ITPR1: variants seen among roughly 807,000 people sequenced by gnomAD.
The protein encoded by ITPR1 is inositol 1,4,5-trisphosphate receptor type 1.
ITPR1 carries 96 observed loss-of-function variants against 318.4 expected under a neutral mutation model. The observed-to-expected ratio is 0.30, with a 90% CI of 0.26 to 0.36. The LOEUF is 0.36. ITPR1 is among the 10% of genes least tolerant of loss of function. The probability of loss-of-function intolerance (pLI) is 1.00; values close to 1 mark genes in which losing one functional copy is unlikely to be tolerated. For missense variants in ITPR1, 2,440 were observed against 3,460.2 expected (o/e 0.71, Z 7.40); for synonymous variants, 1,312 against 1,289.9 (o/e 1.02, Z -0.37).
intron 44 of ITPR1, among the ~76,000 whole-genome samples, chr3:4,753,460 G>A: frequency 6.6e-6 from 1 of 152,132 alleles, no homozygotes; most frequent in East Asian, 1.9e-4. Flanking sequence ...CTTACTGTCA[G>A]CTGCCAGGGA....
At chr3:4,594,504 G>C (rs1036153693) in intron 4 of ITPR1, among the ~76,000 whole-genome samples, 1 of 152,084 alleles carries the variant, frequency 6.6e-6, no homozygotes, top group Admixed American at 6.6e-5. Context: ...CTGCGTGATC[G>C]ATGAGAGCCA....
At chr3:4,778,842 GA>G (rs978611360) in intron 48 of ITPR1, among the ~76,000 whole-genome samples, 6 of 151,624 alleles carry the variant, frequency 4.0e-5, no homozygotes, top group African/African-American at 2.4e-5. Context: ...TCCAAAAAAA[GA>G]AAAAAAACCC....
chr3:4,658,815 A>G (rs1007171517), intron 13 of ITPR1, among the ~76,000 whole-genome samples: 2 of 152,052 alleles, frequency 1.3e-5, no homozygotes, highest in African/African-American at 4.8e-5. Context: ...ACTGGACTAT[A>G]AATAGGGAAA....
At chr3:4,752,538 C>G (rs1263000854) in intron 44 of ITPR1, among the ~76,000 whole-genome samples, 1 of 152,234 alleles carries the variant, frequency 6.6e-6, no homozygotes, top group Non-Finnish European at 1.5e-5. Flanking sequence ...CTTAGCAGGA[C>G]TTTGAGCTTT....
At chr3:4,814,609 T>TGGGGGG in intron 58 of ITPR1, 47 bp downstream of exon 58, 2 of 458,444 alleles carry the variant, frequency 4.4e-6, no homozygotes, top group East Asian at 5.4e-5. Context: ...GCGGGTGGGG[T>TGGGGGG]GGTTGGTGGG....
Position 4,846,127 on chromosome 3 carries a change from T to TTAAC in ITPR1, c.8191-10_8191-7dup, listed in dbSNP as rs750583458. 18 of 1,531,030 alleles carry TTAAC rather than the reference T, an allele frequency of 1.2e-5. No individual in the cohort carries two copies. The highest frequency in any genetic ancestry group is 1.7e-4 in the Middle Eastern group (1 of 5,888). The allele number at this position is 1,531,030 out of a possible 1,614,324, so 94.8% of individuals were successfully genotyped here. A position where few individuals can be genotyped will look rare whatever the true frequency, so the allele number is the denominator to read the frequency against. On this transcript the variant is annotated splice_polypyrimidine_tract_variant and intron_variant, in intron 61 of 61. Transcript: ENST00000649015. ...TATCTGGGTCTAATGATGAAACTTT[T>TTAAC]TAACTTTCCAGATGACAGAACAAAG... is the stretch of plus-strand genomic sequence containing the variant.
chr3:4,645,454 A>T lies in ITPR1; in HGVS notation c.692A>T (p.Asp231Val), dbSNP rs1389658278. ...TTCATGAAATGGAGTGATAACAAAGACGACATATTAAAGGGGGTGAGTTTG... is the reference window on the plus strand; with the variant it reads ...TTCATGAAATGGAGTGATAACAAAGTCGACATATTAAAGGGGGTGAGTTTG... ...VLFMKWSDNK[D>V]DILKGGDVVR... The change falls in exon 9 of 62, where the codon GAC (aspartate) becomes GTC (valine). Residue 231 changes from aspartate (D) to valine (V), a missense_variant. By Grantham distance (152) the Asp-to-Val change is radical. Coordinates refer to ENST00000649015, the MANE Select transcript of ITPR1 (RefSeq NM_001378452.1). 3.1e-6 allele frequency: 5 copies of T among 1,612,916 alleles called. No homozygotes were observed. Among genetic ancestry groups the T allele is most frequent in the Non-Finnish European group, 4.2e-6 (5 of 1,179,122 alleles).
At chr3:4,646,143 C>T (rs1575877638) in intron 10 of ITPR1, 2 of 185,272 alleles carry the variant, frequency 1.1e-5, no homozygotes, top group East Asian at 2.6e-4. Flanking sequence ...CAGGTGTCTA[C>T]CTGACACAAT....
intron 2 of ITPR1, among the ~76,000 whole-genome samples, chr3:4,503,436 A>G (rs2081176391): frequency 6.6e-6 from 1 of 152,168 alleles, no homozygotes; most frequent in Non-Finnish European, 1.5e-5. Flanking sequence ...GCTTCGGGTC[A>G]TTGCTGCCGA....
chr3:4,693,517 G>C lies in ITPR1; in HGVS notation c.4057G>C (p.Val1353Leu). 8.7e-6 allele frequency: 14 copies of C among 1,613,888 alleles called. No individual in the cohort carries two copies. Among genetic ancestry groups the C allele is most frequent in the Non-Finnish European group, 1.2e-5 (14 of 1,179,844 alleles). ...GGTCAATTCGGGAGAGGATGTCCTC[G>C]TGTTCTACAACGACAGAGCCTCTTT... ...ELVNSGEDVL[V>L]FYNDRASFQT... Residue 1353 changes from valine to leucine, a missense_variant, in exon 33 of 62, where the codon GTG (valine) becomes CTG (leucine). Val to Leu is a conservative substitution (Grantham distance 32, BLOSUM62 1). Transcript: ENST00000649015.
At position 4,794,696 on chromosome 3, in the gene ITPR1, A is replaced by G. The variant is rs375117300; in HGVS notation, c.6809-369A>G. Among the ~76,000 whole-genome samples, 4 of 151,948 alleles carry G rather than the reference A, an allele frequency of 2.6e-5. No homozygotes were observed. In the East Asian group the frequency reaches 7.7e-4, roughly 29 times the overall value. Reference sequence around the variant, plus strand: ...ATTTTTGGGTCTCTCCGGGCATCTCATCTGGTCCCAGAGCCCTAGGGGGAA... The same window carrying G: ...ATTTTTGGGTCTCTCCGGGCATCTCGTCTGGTCCCAGAGCCCTAGGGGGAA... On this transcript the variant is annotated intron_variant, in intron 52 of 61. Transcript: ENST00000649015.
At position 4,717,570 on chromosome 3, in the gene ITPR1, C is replaced by T. The variant is rs1383270329; in HGVS notation, c.5136+171C>T. 2.6e-5 allele frequency among the ~76,000 whole-genome samples: 4 copies of T among 152,116 alleles called. No individual in the cohort carries two copies. In the East Asian group the frequency reaches 7.7e-4, roughly 29 times the overall value. ...CTGTCGTGTCTGTGTTAGCATTTCC[C>T]ATGAGTTTGTTTGCCATTAGTCCTT... On this transcript the variant is annotated intron_variant, in intron 40 of 61. Coordinates refer to ENST00000649015, the MANE Select transcript of ITPR1 (RefSeq NM_001378452.1).
intron 44 of ITPR1, among the ~76,000 whole-genome samples, chr3:4,748,164 C>T (rs2044243134): frequency 6.6e-6 from 1 of 152,182 alleles, no homozygotes; most frequent in South Asian, 2.1e-4. Context: ...CAAAGTCACC[C>T]AGTTGGCAGA....
At chr3:4,597,032 G>A (rs1170217799) in intron 4 of ITPR1, among the ~76,000 whole-genome samples, 4 of 152,224 alleles carry the variant, frequency 2.6e-5, no homozygotes, top group African/African-American at 9.6e-5. Context: ...AGAGGACTGC[G>A]TGAGAAAAGG....
intron 4 of ITPR1, among the ~76,000 whole-genome samples, chr3:4,527,147 C>G (rs1199579453): frequency 6.6e-6 from 1 of 152,130 alleles, no homozygotes; most frequent in Non-Finnish European, 1.5e-5. Context: ...AGCCAGAGCC[C>G]TCTTCCAAAG....
chr3:4,830,638 G>A lies in ITPR1; in HGVS notation c.8029-6136G>A, dbSNP rs114389559. ...GCCTACCCCGTACCCCCTTCTAGTC[G>A]TTTCCATCACCTGAGCATCCCTAGG... On this transcript the variant is annotated intron_variant, in intron 60 of 61. Transcript: ENST00000649015. Among the ~76,000 whole-genome samples, 191 of 152,122 alleles carry A rather than the reference G, an allele frequency of 1.3e-3. 1 individual carries two copies. Among genetic ancestry groups the A allele is most frequent in the African/African-American group, 4.3e-3 (180 of 41,474 alleles).
At chr3:4,763,693 A>G (rs1470181623) in intron 44 of ITPR1, among the ~76,000 whole-genome samples, 1 of 152,244 alleles carries the variant, frequency 6.6e-6, no homozygotes, top group Non-Finnish European at 1.5e-5. Context: ...GTAATGCGAA[A>G]CAAACCTAGT....
intron 44 of ITPR1, among the ~76,000 whole-genome samples, chr3:4,761,519 T>A (rs2045448917): frequency 6.6e-6 from 1 of 152,160 alleles, no homozygotes; most frequent in African/African-American, 2.4e-5. Flanking sequence ...TGTTGATGGG[T>A]ACCTAGCAAC....
chr3:4,784,315 TG>T (rs2047025247), intron 51 of ITPR1, among the ~76,000 whole-genome samples: 1 of 152,036 alleles, frequency 6.6e-6, no homozygotes, highest in Admixed American at 6.5e-5. Flanking sequence ...TTTTCAGACA[TG>T]GGGAATAACA....
Sources: gnomAD v4.1 joint callset for allele counts (sites outside exome capture counted in the v4.1 genomes callset) on GRCh38, gnomAD v4.1.1 for gene constraint, MANE v1.5 for transcripts, NCBI Gene and HGNC (gene_info 2026-07-23, HGNC 2026-07-21) for gene names.